USHBP1: variants seen among roughly 807,000 people sequenced by gnomAD.
USHBP1 encodes USH1 protein network component harmonin binding protein 1, also known as harmonin-binding protein USHBP1.
Under a neutral mutation model 76.2 loss-of-function variants are expected in USHBP1, and 67 were observed. That is an observed-to-expected ratio of 0.88 (90% CI 0.72 to 1.08). USHBP1 has a LOEUF of 1.08. Among genes scored for constraint, USHBP1 ranks in the 50% least tolerant of loss-of-function variants. USHBP1 has a pLI of 0.00. For synonymous variants in USHBP1, 322 were observed against 362.2 expected (o/e 0.89, Z 1.26); for missense variants, 931 against 915.0 (o/e 1.02, Z -0.23).
chr19:17,262,844 T>C lies in USHBP1; in HGVS notation c.350A>G (p.Asp117Gly), dbSNP rs1427402186. ...AGTGTGCTGGAGGGTCTGAAACACA[T>C]CGGGGGCCCCATTCCCAGGGGGCAC... ...ETVPPGNGAPDVFQTLQHTLS... is the reference protein window; with the variant it reads ...ETVPPGNGAPGVFQTLQHTLS... Residue 117 changes from aspartate (D) to glycine (G), a missense_variant, in exon 4 of 13, where the codon GAT becomes GGT. Asp to Gly is a moderately conservative substitution (Grantham distance 94). Coordinates refer to ENST00000252597, the MANE Select transcript of USHBP1 (RefSeq NM_031941.4). The C allele has an allele frequency of 6.2e-7, 1 of 1,613,212 alleles. No homozygotes were observed. The highest frequency in any genetic ancestry group is 1.7e-5 in the Admixed American group (1 of 59,968).
In USHBP1 at chr19:17,262,861, AG is replaced by A; in HGVS notation, c.332del (p.Pro111LeufsTer16). 1 of 1,612,878 alleles carries A rather than the reference AG, an allele frequency of 6.2e-7. No individual in the cohort carries two copies. Among genetic ancestry groups the A allele is most frequent in the Admixed American group, 1.7e-5 (1 of 59,946 alleles). On this transcript the variant is annotated frameshift_variant, in exon 4 of 13. Coordinates refer to ENST00000252597, the MANE Select transcript of USHBP1 (RefSeq NM_031941.4). LOFTEE classifies it high-confidence loss of function. ...GAAACACATCGGGGGCCCCATTCCC[AG>A]GGGGCACAGTCTCCTTGTACTGTAG... ...AALQYKETVP[P>X]GNGAPDVFQT... is the part of the protein sequence containing the mutation.
At chr19:17,252,058 C>G (rs1422633265) in intron 10 of USHBP1, 41 bp from the exon 11 acceptor site, 8 of 1,531,792 alleles carry the variant, frequency 5.2e-6, no homozygotes, top group East Asian at 2.4e-5. Flanking sequence ...TTAACCTAGG[C>G]CAAGTCCGTG....
In USHBP1 at chr19:17,264,674, T is replaced by A; in HGVS notation, c.-52A>T. 1 of 257,652 alleles carries A rather than the reference T, an allele frequency of 3.9e-6. No individual in the cohort carries two copies. Among genetic ancestry groups the A allele is most frequent in the Non-Finnish European group, 7.5e-6 (1 of 132,828 alleles). 16.0% of individuals were successfully genotyped at this position (257,652 alleles called of 1,614,324 possible). A position where few individuals can be genotyped will look rare whatever the true frequency, so the allele number is the denominator to read the frequency against. On this transcript the variant is annotated 5_prime_UTR_variant, in exon 1 of 13. Transcript: ENST00000252597. The stretch of plus-strand genomic sequence containing the variant: ...TGAGAGGTTCAGCTCTCTCTACCTC[T>A]CTGATCCTCTGGGGGTAACTTGATC...
chr19:17,255,504 C>A lies in USHBP1; in HGVS notation c.1573G>T (p.Val525Leu), dbSNP rs12459398. Residue 525 changes from valine (V) to leucine (L), a missense_variant, in exon 10 of 13, where the codon GTG (valine) becomes TTG (leucine). Coordinates refer to ENST00000252597, the MANE Select transcript of USHBP1 (RefSeq NM_031941.4). ...AALRALGPAH[V>L]LLLEQLRWER... ...CACCGCAGCTGCTCCAGCAGGAGCA[C>A]GTGAGCTGGACCCAGGGCTCGGAGG... The A allele has an allele frequency of 6.2e-7, 1 of 1,613,750 alleles. No homozygotes were observed. Among genetic ancestry groups the A allele is most frequent in the Non-Finnish European group, 8.5e-7 (1 of 1,179,880 alleles).
chr19:17,258,339 C>A lies in USHBP1; in HGVS notation c.1093G>T (p.Ala365Ser), dbSNP rs755695100. Residue 365 changes from alanine to serine, a missense_variant, in exon 8 of 13, where the codon GCC (alanine) becomes TCC (serine). Physicochemically the swap from Ala to Ser is moderately conservative, Grantham distance 99 (BLOSUM62 1). Transcript: ENST00000252597. ...AYRVLLALRE[A>S]DSGAGDEAPM... The stretch of plus-strand genomic sequence containing the variant: ...GCTTCGTCTCCTGCTCCTGAGTCGG[C>A]CTCCCGCAGAGCAAGCAGAACCCTG... 2 of 1,614,056 alleles carry A rather than the reference C, an allele frequency of 1.2e-6. No individual in the cohort carries two copies. Among genetic ancestry groups the A allele is most frequent in the Admixed American group, 3.3e-5 (2 of 60,000 alleles).
intron 10 of USHBP1, among the ~76,000 whole-genome samples, chr19:17,253,888 G>A (rs1355276177): frequency 3.9e-5 from 5 of 127,942 alleles, no homozygotes; most frequent in African/African-American, 1.2e-4. Flanking sequence ...AGCAAGATCC[G>A]TTTCCCAAAA....
intron 10 of USHBP1, among the ~76,000 whole-genome samples, chr19:17,254,086 G>A (rs564514630): frequency 1.5e-3 from 228 of 152,170 alleles, no homozygotes; most frequent in African/African-American, 5.4e-3. Context: ...GCTCACGCCT[G>A]TAATCCCAGC....
chr19:17,250,177 G>A lies in USHBP1; in HGVS notation c.*48C>T. On this transcript the variant is annotated 3_prime_UTR_variant, in exon 13 of 13. Coordinates refer to ENST00000252597, the MANE Select transcript of USHBP1 (RefSeq NM_031941.4). The stretch of plus-strand genomic sequence containing the variant: ...ATGATGTCACTCCAGGACAGTTTAT[G>A]ACATGCCACAGCTGTCTGGCATGTC... The A allele has an allele frequency of 6.4e-7, 1 of 1,554,060 alleles. No homozygotes were observed. The highest frequency in any genetic ancestry group is 8.7e-7 in the Non-Finnish European group (1 of 1,149,320).
At chr19:17,256,137 G>A (rs1356664749) in intron 9 of USHBP1, among the ~76,000 whole-genome samples, 1 of 152,124 alleles carries the variant, frequency 6.6e-6, no homozygotes, top group Non-Finnish European at 1.5e-5. Context: ...AGCTTACATA[G>A]GTCAAGTATT....
chr19:17,258,174 C>G, intron 8 of USHBP1, 38 bp downstream of exon 8: 8 of 1,610,926 alleles, frequency 5.0e-6, no homozygotes, highest in Non-Finnish European at 6.8e-6. Context: ...AGACCCCACT[C>G]CTCAACCAGG....
chr19:17,255,399 C>A lies in USHBP1; in HGVS notation c.1678G>T (p.Glu560Ter). ...SSGGGSSGDE[E>*]EWYQGLPAVP... ...GGGCAGCTCACCTGATACCACTCTT[C>A]CTCGTCCCCGCTGCTGCCACCTCCG... The change falls in exon 10 of 13, where the codon GAA (glutamate) becomes TAA (stop). Residue 560 changes from glutamate to a stop codon, truncating the protein, a stop_gained. Coordinates refer to ENST00000252597, the MANE Select transcript of USHBP1 (RefSeq NM_031941.4). LOFTEE classifies it high-confidence loss of function. 6.2e-7 allele frequency: 1 copy of A among 1,613,988 alleles called. No individual in the cohort carries two copies. Among genetic ancestry groups the A allele is most frequent in the South Asian group, 1.1e-5 (1 of 91,040 alleles).
chr19:17,254,964 G>A (rs1467100647), intron 10 of USHBP1, among the ~76,000 whole-genome samples: 17 of 152,024 alleles, frequency 1.1e-4, no homozygotes, highest in Admixed American at 1.1e-3. Context: ...AGGCTTGGAG[G>A]TAGGAGAGAT....
At position 17,249,514 on chromosome 19, in the gene USHBP1, G is replaced by A. The variant is rs1451637156; in HGVS notation, c.*711C>T. ...TGGCCTGTTTTTTTTTTTGAGACAA[G>A]GTCTTACTCTGTGACCCAGACTGGA... On this transcript the variant is annotated 3_prime_UTR_variant, in exon 13 of 13. Transcript: ENST00000252597. The A allele has an allele frequency of 1.4e-5, 2 of 140,080 alleles. No homozygotes were observed. Among genetic ancestry groups the A allele is most frequent in the Non-Finnish European group, 3.0e-5 (2 of 67,592 alleles). The allele number at this position is 140,080 out of a possible 1,614,324, so 8.7% of individuals were successfully genotyped here.
At chr19:17,250,461 C>G (rs749023253) in intron 12 of USHBP1, 47 bp from the exon 13 acceptor site, 1 of 1,588,578 alleles carries the variant, frequency 6.3e-7, no homozygotes, top group South Asian at 1.1e-5. Context: ...CCGAGTCCAC[C>G]CAAGGCAAGG....
chr19:17,253,029 C>T (rs897923501), intron 10 of USHBP1, among the ~76,000 whole-genome samples: 1 of 151,910 alleles, frequency 6.6e-6, no homozygotes, highest in Non-Finnish European at 1.5e-5. Flanking sequence ...AGTGCACTGG[C>T]GTGATCTCAG....
At chr19:17,256,069 A>G (rs781097685) in intron 9 of USHBP1, among the ~76,000 whole-genome samples, 27 of 152,080 alleles carry the variant, frequency 1.8e-4, no homozygotes, top group Non-Finnish European at 3.4e-4. Context: ...TGAGGTGGAA[A>G]TATCTTCCTC....
rs748279622 is a variant in USHBP1 at position 17,256,477 on chromosome 19, G to A, written c.1464C>T (p.Ala488=). The stretch of plus-strand genomic sequence containing the variant: ...GGCCACAGCCCATTTGTACCCTTGC[G>A]GCCACCAGGTCCTGCTGAATTTGTG... The part of the protein sequence containing the change: ...EKTQIQQDLV[A]AREALADLML... Residue 488 remains alanine (A), a synonymous_variant, in exon 9 of 13, where the codon GCC becomes GCT. Transcript: ENST00000252597. 9 of 1,613,174 alleles carry A rather than the reference G, an allele frequency of 5.6e-6. No homozygotes were observed. The highest frequency in any genetic ancestry group is 2.2e-5 in the East Asian group (1 of 44,872).
chr19:17,264,439 A>G, intron 1 of USHBP1, 92 bp from the exon 2 acceptor site: 2 of 1,008,228 alleles, frequency 2.0e-6, no homozygotes, highest in Non-Finnish European at 2.9e-6. Context: ...GGCACTGACT[A>G]CCCCTCAGGA....
Position 17,256,626 on chromosome 19 carries a change from T to G in USHBP1, c.1315A>C (p.Met439Leu), listed in dbSNP as rs9676419. ...GGGCCAGGCTCTGAGAGAATCTTCA[T>G]TAGAGAACGGCGCTCCTGGAGACGC... ...VQRLQERRSL[M>L]KILSEPGPTL... is the part of the protein sequence containing the mutation. Residue 439 changes from methionine (M) to leucine (L), a missense_variant, in exon 9 of 13, where the codon ATG becomes CTG. Physicochemically the swap from Met to Leu is conservative, Grantham distance 15 (BLOSUM62 2). Transcript: ENST00000252597. 9 of 1,613,890 alleles carry G rather than the reference T, an allele frequency of 5.6e-6. No homozygotes were observed. The highest frequency in any genetic ancestry group is 7.6e-6 in the Non-Finnish European group (9 of 1,180,002).
Sources: allele counts gnomAD v4.1 joint callset (sites outside exome capture counted in the v4.1 genomes callset), GRCh38; gene constraint gnomAD v4.1.1; transcripts MANE v1.5; gene names NCBI Gene and HGNC (gene_info 2026-07-23, HGNC 2026-07-21).